Variants in PRKAR1B observed in about 807,000 individuals in gnomAD.
PRKAR1B encodes the protein protein kinase cAMP-dependent type I regulatory subunit beta.
PRKAR1B carries 22 observed loss-of-function variants against 46.5 expected under a neutral mutation model. The observed-to-expected ratio is 0.47, with a 90% CI of 0.34 to 0.68. The LOEUF is 0.68. Among genes scored for constraint, PRKAR1B ranks in the 30% least tolerant of loss-of-function variants. The pLI is 0.01. For synonymous variants in PRKAR1B, 259 were observed against 217.7 expected (o/e 1.19, Z -1.67); for missense variants, 445 against 535.6 (o/e 0.83, Z 1.67).
chr7:594,470 A>C (rs1376176770), intron 7 of PRKAR1B, among the ~76,000 whole-genome samples: 1 of 152,122 alleles, frequency 6.6e-6, no homozygotes, highest in African/African-American at 2.4e-5. Flanking sequence ...TGTCACCCCC[A>C]ACCAGCTCAG....
intron 9 of PRKAR1B, among the ~76,000 whole-genome samples, chr7:577,401 G>A (rs1779918998): frequency 1.3e-5 from 2 of 152,310 alleles, no homozygotes; most frequent in East Asian, 1.9e-4. Context: ...CCGATGACAG[G>A]TACAGAGTTG....
chr7:551,288 C>T, intron 10 of PRKAR1B, 101 bp downstream of exon 10: 1 of 1,149,834 alleles, frequency 8.7e-7, no homozygotes, highest in Admixed American at 2.1e-5. Flanking sequence ...CTACAAGGCC[C>T]CAGGGAAGCC....
chr7:693,819 C>A (rs1211768341), intron 2 of PRKAR1B, among the ~76,000 whole-genome samples: 2 of 152,176 alleles, frequency 1.3e-5, no homozygotes, highest in African/African-American at 2.4e-5. Context: ...CTGGGAAATG[C>A]CAAGCTTCCT....
chr7:672,343 G>A (rs189658654), intron 4 of PRKAR1B, among the ~76,000 whole-genome samples: 7 of 151,694 alleles, frequency 4.6e-5, no homozygotes, highest in African/African-American at 1.4e-4. Context: ...GTAGAGATGG[G>A]GATTCACCAT....
At chr7:627,095 A>C (rs1241852172) in intron 4 of PRKAR1B, among the ~76,000 whole-genome samples, 2 of 152,110 alleles carry the variant, frequency 1.3e-5, no homozygotes, top group African/African-American at 4.8e-5. Flanking sequence ...GGATGGTCTC[A>C]ATCTCTTGAC....
intron 1 of PRKAR1B, among the ~76,000 whole-genome samples, chr7:719,872 T>C (rs937761739): frequency 6.6e-6 from 1 of 152,126 alleles, no homozygotes; most frequent in Non-Finnish European, 1.5e-5. Flanking sequence ...AACCACAAAA[T>C]ATCCCTTTGG....
chr7:659,291 G>T (rs142023664), intron 4 of PRKAR1B, among the ~76,000 whole-genome samples: 1 of 152,172 alleles, frequency 6.6e-6, no homozygotes, highest in African/African-American at 2.4e-5. Flanking sequence ...TCTGTGTTGC[G>T]CATGCAGTAT....
At chr7:613,585 C>G (rs148322643) in intron 4 of PRKAR1B, among the ~76,000 whole-genome samples, 2 of 152,196 alleles carry the variant, frequency 1.3e-5, no homozygotes, top group African/African-American at 4.8e-5. Context: ...AAATCACACA[C>G]GCGGGGTTGA....
chr7:706,104 C>T (rs1583445470), intron 2 of PRKAR1B, among the ~76,000 whole-genome samples: 1 of 152,084 alleles, frequency 6.6e-6, no homozygotes, highest in South Asian at 2.1e-4. Flanking sequence ...GTGGGGAGGA[C>T]CGCTTGAGCT....
At chr7:569,771 G>A (rs1271893449) in intron 9 of PRKAR1B, among the ~76,000 whole-genome samples, 2 of 152,170 alleles carry the variant, frequency 1.3e-5, no homozygotes, top group East Asian at 1.9e-4. Flanking sequence ...GGGTGAGGCC[G>A]GAGTCCCTCT....
In PRKAR1B at chr7:679,159, G is replaced by A. The variant is rs367995718; in HGVS notation, c.348+1397C>T. Reference sequence around the variant, plus strand: ...CAGAGAAATTGCAAAGATCATTCTCGTGCACCTTGCAGTTCCCTGATGTTA... The same window carrying A: ...CAGAGAAATTGCAAAGATCATTCTCATGCACCTTGCAGTTCCCTGATGTTA... On this transcript the variant is annotated intron_variant, in intron 3 of 10. Transcript: ENST00000537384. 2.6e-5 allele frequency among the ~76,000 whole-genome samples: 4 copies of A among 152,244 alleles called. 1 individual carries two copies. The highest frequency in any genetic ancestry group is 2.4e-5 in the African/African-American group (1 of 41,548).
At chr7:697,414 A>G (rs1362842641) in intron 2 of PRKAR1B, among the ~76,000 whole-genome samples, 1 of 152,170 alleles carries the variant, frequency 6.6e-6, no homozygotes, top group East Asian at 1.9e-4. Flanking sequence ...TCCCACTGAA[A>G]GGGTTTTCTG....
At chr7:609,200 G>T (rs1443253918) in intron 4 of PRKAR1B, among the ~76,000 whole-genome samples, 9 of 152,160 alleles carry the variant, frequency 5.9e-5, no homozygotes, top group African/African-American at 2.2e-4. Context: ...CCTGGTGCAC[G>T]CATCTGCAGG....
rs368242842 is a variant in PRKAR1B, at chr7:627,719, G to C, written c.441-20267C>G. On this transcript the variant is annotated intron_variant, in intron 4 of 10. Coordinates refer to ENST00000537384, the MANE Select transcript of PRKAR1B (RefSeq NM_001164760.2). ...GGGCGCTCTCCATCCAGAGCCCCCC[G>C]CCCAGCTCACGCCCGCCCTCCCCGG... Among the ~76,000 whole-genome samples, 4 of 152,006 alleles carry C rather than the reference G, an allele frequency of 2.6e-5. No individual in the cohort carries two copies. The East Asian group carries it at 7.8e-4, about 30-fold the overall frequency.
intron 4 of PRKAR1B, among the ~76,000 whole-genome samples, chr7:669,671 G>A (rs530065119): frequency 1.3e-5 from 2 of 151,740 alleles, no homozygotes; most frequent in African/African-American, 4.8e-5. Context: ...GGCTGAGGCA[G>A]GAGAATCACT....
chr7:660,107 C>T (rs957025113), intron 4 of PRKAR1B, among the ~76,000 whole-genome samples: 5 of 152,032 alleles, frequency 3.3e-5, no homozygotes, highest in East Asian at 1.9e-4. Flanking sequence ...AGTGGGGAAG[C>T]GACTCCCCTC....
intron 7 of PRKAR1B, among the ~76,000 whole-genome samples, chr7:591,926 C>A (rs143606204): frequency 1.6e-4 from 24 of 152,326 alleles, no homozygotes; most frequent in African/African-American, 3.1e-4. Context: ...CCGGCTCCCA[C>A]GCACGGCTGT....
intron 4 of PRKAR1B, among the ~76,000 whole-genome samples, chr7:639,482 A>G (rs1784281000): frequency 6.6e-6 from 1 of 152,278 alleles, no homozygotes; most frequent in African/African-American, 2.4e-5. Context: ...AAAAGAAGAC[A>G]AAATCAGAGA....
Position 606,106 on chromosome 7 carries a change from G to C in PRKAR1B, c.549+87C>G, listed in dbSNP as rs1583290091. On this transcript the variant is annotated intron_variant, in intron 6 of 10. Coordinates refer to ENST00000537384, the MANE Select transcript of PRKAR1B (RefSeq NM_001164760.2). ...TACGGCACTCAGCGCAGTGTTTGTT[G>C]GGGGCCTGGTGCTGCCTGGAGGGCA... 3.8e-6 allele frequency: 5 copies of C among 1,304,556 alleles called. No homozygotes were observed. The East Asian group carries it at 1.2e-4, about 30-fold the overall frequency. 80.8% of individuals were successfully genotyped at this position (1,304,556 alleles called of 1,614,324 possible). A position where few individuals can be genotyped will look rare whatever the true frequency, so the allele number is the denominator to read the frequency against.
Sources: gnomAD v4.1 joint callset for allele counts (sites outside exome capture counted in the v4.1 genomes callset) on GRCh38, gnomAD v4.1.1 for gene constraint, MANE v1.5 for transcripts, NCBI Gene and HGNC (gene_info 2026-07-23, HGNC 2026-07-21) for gene names.